TBC1D19: variants seen among roughly 807,000 people sequenced by gnomAD.
TBC1D19 encodes the protein TBC1 domain family member 19, also known as TBC1 domain family, member 19.
A neutral mutation model predicts 89.0 loss-of-function variants in TBC1D19; 60 were observed. The ratio of observed to expected loss-of-function variants is 0.67; its 90% CI spans 0.55 to 0.84. The LOEUF (loss-of-function observed/expected upper bound fraction) is 0.84. Among genes scored for constraint, TBC1D19 ranks in the 40% least tolerant of loss-of-function variants. The probability of loss-of-function intolerance (pLI) is 0.00; values close to 1 mark genes in which losing one functional copy is unlikely to be tolerated. For missense variants in TBC1D19, 500 were observed against 610.8 expected (o/e 0.82, Z 1.91); for synonymous variants, 189 against 199.7 (o/e 0.95, Z 0.45).
At chr4:26,714,693 T>C (rs1265470968) in intron 13 of TBC1D19, among the ~76,000 whole-genome samples, 1 of 152,078 alleles carries the variant, frequency 6.6e-6, no homozygotes, top group African/African-American at 2.4e-5. Flanking sequence ...TGAGGAAAAA[T>C]TTGTAACAGA....
chr4:26,585,476 TA>T (rs140441749), intron 1 of TBC1D19, among the ~76,000 whole-genome samples: 7,270 of 148,474 alleles, frequency 0.049, 586 homozygotes, highest in African/African-American at 0.17. Context: ...TTCTGCCCAT[TA>T]AAAAAAAAAT....
rs752221945 is a variant in TBC1D19, at chr4:26,726,748, TTGAAG to T, written c.1084+6628_1084+6632del. Among the ~76,000 whole-genome samples the T allele has an allele frequency of 2.2e-4, 33 of 152,268 alleles. 1 individual carries two copies. Among genetic ancestry groups the T allele is most frequent in the Non-Finnish European group, 4.6e-4 (31 of 68,034 alleles). On this transcript the variant is annotated intron_variant, in intron 15 of 20. Coordinates refer to ENST00000264866, the MANE Select transcript of TBC1D19 (RefSeq NM_018317.4). ...TAATATGCTTTCAGCTGGAGTGAAG[TTGAAG>T]TGAATCAGATAGGCGAGTTACGGTA... is the stretch of plus-strand genomic sequence containing the variant.
At chr4:26,627,469 A>T (rs1241241819) in intron 4 of TBC1D19, among the ~76,000 whole-genome samples, 1 of 152,048 alleles carries the variant, frequency 6.6e-6, no homozygotes. Flanking sequence ...CGCCACACTG[A>T]CTTCCACAAT....
At chr4:26,797,837 G>A in the TBC1D19 span, among the ~76,000 whole-genome samples, 16 of 152,222 alleles carry the variant, frequency 1.1e-4, no homozygotes, top group East Asian at 3.9e-4. Flanking sequence ...AAACTAGCTC[G>A]ACATATGCAG....
intron 4 of TBC1D19, among the ~76,000 whole-genome samples, chr4:26,626,082 A>G (rs891722352): frequency 2.0e-5 from 3 of 152,052 alleles, no homozygotes; most frequent in Non-Finnish European, 4.4e-5. Flanking sequence ...CTCCTTCCCC[A>G]TTTATTTATG....
At chr4:26,763,167 G>A in the TBC1D19 span, among the ~76,000 whole-genome samples, 2 of 152,028 alleles carry the variant, frequency 1.3e-5, no homozygotes, top group Non-Finnish European at 2.9e-5. Flanking sequence ...GATAATGATC[G>A]AATGTAAACC....
At chr4:26,676,930 C>T (rs1712865289) in intron 11 of TBC1D19, among the ~76,000 whole-genome samples, 1 of 152,082 alleles carries the variant, frequency 6.6e-6, no homozygotes, top group South Asian at 2.1e-4. Flanking sequence ...TTACAAACTC[C>T]CAAAGCCTCA....
rs145117119 is a variant in TBC1D19, at chr4:26,661,129, T to G, written c.591+1422T>G. Reference sequence around the variant, plus strand: ...CCCAGATTCCCATCACCATGCCTACTCAGATGACTCCTCCTCCCCCACAGA... The same window carrying G: ...CCCAGATTCCCATCACCATGCCTACGCAGATGACTCCTCCTCCCCCACAGA... On this transcript the variant is annotated intron_variant, in intron 8 of 20. Coordinates refer to ENST00000264866, the MANE Select transcript of TBC1D19 (RefSeq NM_018317.4). 2.9e-3 allele frequency among the ~76,000 whole-genome samples: 444 copies of G among 152,170 alleles called. 3 individuals carry two copies. Among genetic ancestry groups the G allele is most frequent in the African/African-American group, 0.01 (426 of 41,534 alleles).
intron 13 of TBC1D19, among the ~76,000 whole-genome samples, chr4:26,710,520 G>A (rs915963006): frequency 3.9e-5 from 6 of 152,122 alleles, no homozygotes; most frequent in African/African-American, 1.4e-4. Flanking sequence ...ATAGCAGCAT[G>A]ATTTATAATC....
At chr4:26,614,970 G>A (rs1377694085) in intron 3 of TBC1D19, among the ~76,000 whole-genome samples, 1 of 152,108 alleles carries the variant, frequency 6.6e-6, no homozygotes, top group Non-Finnish European at 1.5e-5. Context: ...GCGATACTGT[G>A]CCTGGCCCCA....
At chr4:26,858,450 G>A in the TBC1D19 span, 1 of 152,456 alleles carries the variant, frequency 6.6e-6, no homozygotes, top group Non-Finnish European at 1.5e-5. Flanking sequence ...AAGGGAAAGG[G>A]AAAACAAAAG....
intron 5 of TBC1D19, among the ~76,000 whole-genome samples, chr4:26,638,356 T>C (rs1743268547): frequency 6.6e-6 from 1 of 152,048 alleles, no homozygotes; most frequent in African/African-American, 2.4e-5. Flanking sequence ...ATATGTAGTA[T>C]TGTATAATAT....
At chr4:26,586,478 T>C (rs1239252793) in intron 1 of TBC1D19, among the ~76,000 whole-genome samples, 1 of 152,154 alleles carries the variant, frequency 6.6e-6, no homozygotes, top group Non-Finnish European at 1.5e-5. Flanking sequence ...AATTTTAGAA[T>C]CCTCTTATAA....
intron 1 of TBC1D19, among the ~76,000 whole-genome samples, chr4:26,600,085 C>T (rs756001773): frequency 4.6e-5 from 7 of 151,936 alleles, no homozygotes; most frequent in Non-Finnish European, 1.0e-4. Context: ...GTGTAATACC[C>T]CAAATGTTAT....
intron 7 of TBC1D19, among the ~76,000 whole-genome samples, chr4:26,647,072 C>A (rs2109032216): frequency 6.6e-6 from 1 of 152,142 alleles, no homozygotes; most frequent in Non-Finnish European, 1.5e-5. Context: ...AGTGTCTGAA[C>A]TAAGACAACA....
chr4:26,765,030 G>C, the TBC1D19 span, among the ~76,000 whole-genome samples: 8 of 152,118 alleles, frequency 5.3e-5, no homozygotes, highest in Non-Finnish European at 1.2e-4. Flanking sequence ...TGAATCATGA[G>C]AGTACATGTT....
intron 1 of TBC1D19, among the ~76,000 whole-genome samples, chr4:26,604,083 A>G (rs1740804704): frequency 6.8e-6 from 1 of 147,090 alleles, no homozygotes; most frequent in Admixed American, 6.7e-5. Flanking sequence ...GGACAGATTT[A>G]TTTTACTTAG....
At chr4:26,843,140 T>G in the TBC1D19 span, among the ~76,000 whole-genome samples, 1 of 152,218 alleles carries the variant, frequency 6.6e-6, no homozygotes, top group Non-Finnish European at 1.5e-5. Flanking sequence ...ACAACAATTC[T>G]TCCACTGCCA....
chr4:26,713,706 T>C (rs577420957), intron 13 of TBC1D19, among the ~76,000 whole-genome samples: 2 of 152,160 alleles, frequency 1.3e-5, no homozygotes, highest in Admixed American at 6.6e-5. Context: ...GACTATGTAA[T>C]AGAAAATAGA....
Sources: gnomAD v4.1 joint callset for allele counts (sites outside exome capture counted in the v4.1 genomes callset) on GRCh38, gnomAD v4.1.1 for gene constraint, MANE v1.5 for transcripts, NCBI Gene and HGNC (gene_info 2026-07-23, HGNC 2026-07-21) for gene names.